IGF1R: variants seen among roughly 807,000 people sequenced by gnomAD.
The protein encoded by IGF1R is insulin like growth factor 1 receptor.
In IGF1R, 44 loss-of-function variants were observed where a neutral mutation model predicts 144.6. The observed-to-expected ratio is 0.30, with a 90% confidence interval of 0.24 to 0.39. The LOEUF is 0.39. Among genes scored for constraint, IGF1R ranks in the 10% least tolerant of loss-of-function variants. The pLI is 1.00. For missense variants in IGF1R, 1,355 were observed against 1,833.7 expected (o/e 0.74, Z 4.77); for synonymous variants, 795 against 722.8 (o/e 1.10, Z -1.60).
intron 18 of IGF1R, among the ~76,000 whole-genome samples, chr15:98,940,549 G>T (rs142880635): frequency 4.6e-5 from 7 of 152,190 alleles, no homozygotes; most frequent in Non-Finnish European, 8.8e-5. Context: ...GATTACAGGC[G>T]CGTGCCACCA....
chr15:98,772,122 A>G (rs2055601193), intron 2 of IGF1R, among the ~76,000 whole-genome samples: 1 of 152,188 alleles, frequency 6.6e-6, no homozygotes, highest in South Asian at 2.1e-4. Flanking sequence ...AATTGAAGTA[A>G]AAGCATGAAG....
intron 3 of IGF1R, among the ~76,000 whole-genome samples, chr15:98,892,382 C>G (rs2013967606): frequency 6.6e-6 from 1 of 151,720 alleles, no homozygotes; most frequent in Non-Finnish European, 1.5e-5. Context: ...GAAACCCTGT[C>G]TCTACTAAAA....
At chr15:98,896,296 G>T (rs1032874205) in intron 3 of IGF1R, among the ~76,000 whole-genome samples, 5 of 152,162 alleles carry the variant, frequency 3.3e-5, no homozygotes, top group African/African-American at 9.7e-5. Flanking sequence ...ACTACTGTTA[G>T]GCAGAGACAC....
chr15:98,667,309 A>T (rs1249451906), intron 1 of IGF1R, among the ~76,000 whole-genome samples: 3 of 152,154 alleles, frequency 2.0e-5, no homozygotes, highest in African/African-American at 7.2e-5. Context: ...GATTATGATT[A>T]TACTGGAAGT....
intron 2 of IGF1R, among the ~76,000 whole-genome samples, chr15:98,817,269 T>C (rs1291365680): frequency 6.6e-6 from 1 of 151,544 alleles, no homozygotes; most frequent in African/African-American, 2.4e-5. Context: ...GCCACTGCAC[T>C]CCAGACTGGG....
intron 2 of IGF1R, among the ~76,000 whole-genome samples, chr15:98,787,329 T>C (rs2056021919): frequency 6.6e-6 from 1 of 152,298 alleles, no homozygotes; most frequent in African/African-American, 2.4e-5. Context: ...CCCATAGCAC[T>C]CTCAGATAAA....
rs576863426 is a variant in IGF1R, at chr15:98,853,670, T to C, written c.641-37655T>C. Among the ~76,000 whole-genome samples the C allele has an allele frequency of 9.2e-5, 14 of 152,332 alleles. No homozygotes were observed. In the South Asian group the frequency reaches 2.7e-3, roughly 29 times the overall value. Reference sequence around the variant, plus strand: ...TGGAGGATAAGCCTCCCTCCTGCGATTCTGAATTGCTTTTTGGTTTGTAGG... The same window carrying C: ...TGGAGGATAAGCCTCCCTCCTGCGACTCTGAATTGCTTTTTGGTTTGTAGG... On this transcript the variant is annotated intron_variant, in intron 2 of 20. Coordinates refer to ENST00000650285, the MANE Select transcript of IGF1R (RefSeq NM_000875.5).
Position 98,769,508 on chromosome 15 carries a change from G to A in IGF1R, c.640+61401G>A, listed in dbSNP as rs537110623. On this transcript the variant is annotated intron_variant, in intron 2 of 20. Coordinates refer to ENST00000650285, the MANE Select transcript of IGF1R (RefSeq NM_000875.5). Reference sequence around the variant, plus strand: ...CAGTGCTACAGGTGAGGAAAGGAAAGAAGACACTATGTCATCATGTCATTC... The same window carrying A: ...CAGTGCTACAGGTGAGGAAAGGAAAAAAGACACTATGTCATCATGTCATTC... 2.6e-5 allele frequency among the ~76,000 whole-genome samples: 4 copies of A among 152,334 alleles called. No individual in the cohort carries two copies. In the South Asian group the frequency reaches 8.3e-4, roughly 32 times the overall value.
rs1177390691 is a variant in IGF1R, at chr15:98,648,932, G to T, written c.-650G>T. 5.6e-6 allele frequency: 1 copy of T among 178,038 alleles called. No individual in the cohort carries two copies. Among genetic ancestry groups the T allele is most frequent in the Admixed American group, 6.4e-5 (1 of 15,566 alleles). 11.0% of individuals were successfully genotyped at this position (178,038 alleles called of 1,614,324 possible). A position where few individuals can be genotyped will look rare whatever the true frequency, so the allele number is the denominator to read the frequency against. ...GCGGCGCGGCGGGAGTGCTGAGCGCGGCGCGGCCGGCCCGCCGCTTTGTGT... is the reference window on the plus strand; with the variant it reads ...GCGGCGCGGCGGGAGTGCTGAGCGCTGCGCGGCCGGCCCGCCGCTTTGTGT... On this transcript the variant is annotated 5_prime_UTR_variant, in exon 1 of 21. Coordinates refer to ENST00000650285, the MANE Select transcript of IGF1R (RefSeq NM_000875.5).
intron 2 of IGF1R, among the ~76,000 whole-genome samples, chr15:98,878,693 A>AAAAAAAAAAAACAAAAAAAAC (rs1567174382): frequency 1.6e-5 from 2 of 126,116 alleles, no homozygotes; most frequent in African/African-American, 7.2e-5. Context: ...AAAAAAAAAA[A>AAAAAAAAAAAACAAAAAAAAC]AACAACAACA....
chr15:98,741,235 CTTTTTTTTT>C (rs540942858), intron 2 of IGF1R, among the ~76,000 whole-genome samples: 1 of 70,330 alleles, frequency 1.4e-5, no homozygotes. Context: ...TTTTCCTGAG[CTTTTTTTTT>C]TTTTTTTTTT....
intron 2 of IGF1R, among the ~76,000 whole-genome samples, chr15:98,862,320 T>G (rs1596370068): frequency 1.3e-5 from 2 of 152,240 alleles, no homozygotes; most frequent in Admixed American, 6.5e-5. Context: ...GAGTCGCACA[T>G]AATTTTCTGT....
intron 2 of IGF1R, among the ~76,000 whole-genome samples, chr15:98,826,909 G>A (rs191712479): frequency 8.5e-5 from 13 of 152,172 alleles, no homozygotes; most frequent in Admixed American, 2.0e-4. Flanking sequence ...TCTCTGTGAC[G>A]TGTGAAAAGT....
intron 2 of IGF1R, among the ~76,000 whole-genome samples, chr15:98,744,645 T>C (rs2054822140): frequency 6.6e-6 from 1 of 151,582 alleles, no homozygotes; most frequent in Admixed American, 6.6e-5. Context: ...AGGGGAGAGC[T>C]CCAGTAAGGA....
Position 98,935,134 on chromosome 15 carries a change from A to T in IGF1R, c.3186+81A>T. On this transcript the variant is annotated intron_variant, in intron 16 of 20. Coordinates refer to ENST00000650285, the MANE Select transcript of IGF1R (RefSeq NM_000875.5). This position sits in a 1 kb window ranked among gnomAD's most constrained non-coding sequence, Gnocchi z 4.2. ...AGCCTCCCAGTATGTTCTTGGCTGC[A>T]TGTACCCGTGGGTTTGGTGTCTTGC... The T allele has an allele frequency of 8.1e-7, 1 of 1,241,336 alleles. No individual in the cohort carries two copies. The highest frequency in any genetic ancestry group is 1.2e-5 in the South Asian group (1 of 80,652). The allele number at this position is 1,241,336 out of a possible 1,614,324, so 76.9% of individuals were successfully genotyped here. A position where few individuals can be genotyped will look rare whatever the true frequency, so the allele number is the denominator to read the frequency against.
At chr15:98,939,483 T>A in intron 18 of IGF1R, 123 bp downstream of exon 18, 1 of 907,902 alleles carries the variant, frequency 1.1e-6, no homozygotes, top group Admixed American at 1.8e-5. Flanking sequence ...GGACTCCTTC[T>A]TGGGAATGAT....
intron 8 of IGF1R, among the ~76,000 whole-genome samples, chr15:98,914,094 C>G (rs2015136830): frequency 6.6e-6 from 1 of 152,190 alleles, no homozygotes; most frequent in Non-Finnish European, 1.5e-5. Flanking sequence ...AGATGGCTGT[C>G]TTTTCATTGT....
chr15:98,680,991 T>G (rs2053174434), intron 1 of IGF1R, among the ~76,000 whole-genome samples: 1 of 152,148 alleles, frequency 6.6e-6, no homozygotes, highest in South Asian at 2.1e-4. Context: ...AGTAATGCAC[T>G]ACAGGTTTGC....
At chr15:98,939,075 G>T in intron 17 of IGF1R, 126 bp from the exon 18 acceptor site, 1 of 761,790 alleles carries the variant, frequency 1.3e-6, no homozygotes, top group Admixed American at 2.1e-5. Flanking sequence ...AGCAAGTCCT[G>T]GTTTCTTAGC....
Sources: gnomAD v4.1 joint callset for allele counts (sites outside exome capture counted in the v4.1 genomes callset) on GRCh38, gnomAD v4.1.1 for gene constraint, Gnocchi (gnomAD v3.1) non-coding constraint, MANE v1.5 for transcripts, NCBI Gene and HGNC (gene_info 2026-07-23, HGNC 2026-07-21) for gene names.